STAB2: variants seen among roughly 807,000 people sequenced by gnomAD.
STAB2 encodes stabilin 2.
A neutral mutation model predicts 338.1 loss-of-function variants in STAB2; 288 were observed. The ratio of observed to expected loss-of-function variants is 0.85; its 90% CI spans 0.77 to 0.94. The LOEUF (loss-of-function observed/expected upper bound fraction) is 0.94, where lower values mean the gene tolerates loss of function less well. Among genes scored for constraint, STAB2 ranks in the 40% least tolerant of loss-of-function variants. STAB2 has a pLI of 0.00. For missense variants in STAB2, 3,141 were observed against 3,210.1 expected, an observed-to-expected ratio of 0.98 and a Z score of 0.52; for synonymous variants, 1,202 against 1,193.3, an observed-to-expected ratio of 1.01 and a Z score of -0.15.
chr12:103,743,774 C>T (rs755444676), intron 56 of STAB2, among the ~76,000 whole-genome samples: 3 of 152,198 alleles, frequency 2.0e-5, no homozygotes, highest in Non-Finnish European at 2.9e-5. Context: ...TGCAAAGGCC[C>T]TGGGACAGAA....
intron 4 of STAB2, among the ~76,000 whole-genome samples, chr12:103,621,102 C>T (rs1439971866): frequency 3.3e-5 from 5 of 150,730 alleles, no homozygotes; most frequent in African/African-American, 1.2e-4. Flanking sequence ...TGTCCACCCC[C>T]ACCCAAAAAA....
chr12:103,607,757 G>A (rs1242695117), intron 3 of STAB2, among the ~76,000 whole-genome samples: 1 of 152,106 alleles, frequency 6.6e-6, no homozygotes, highest in Admixed American at 6.5e-5. Context: ...TGGTATATAT[G>A]TGCCACATTT....
chr12:103,618,982 C>T (rs1957255076), intron 3 of STAB2, among the ~76,000 whole-genome samples: 1 of 152,130 alleles, frequency 6.6e-6, no homozygotes, highest in Admixed American at 6.5e-5. Context: ...GAGGAATTCC[C>T]CTGCACATGC....
chr12:103,638,663 A>C (rs2138689222), intron 8 of STAB2, among the ~76,000 whole-genome samples: 1 of 152,324 alleles, frequency 6.6e-6, no homozygotes. Context: ...GATTATAGGG[A>C]GCAGTGGGAA....
At chr12:103,616,688 G>T (rs1238999104) in intron 3 of STAB2, among the ~76,000 whole-genome samples, 1 of 152,230 alleles carries the variant, frequency 6.6e-6, no homozygotes. Context: ...CATTTCTGGG[G>T]AGAGGTACAG....
chr12:103,663,121 A>T (rs556018100), intron 18 of STAB2, 123 bp downstream of exon 18: 1 of 1,240,640 alleles, frequency 8.1e-7, no homozygotes, highest in East Asian at 2.4e-5. Flanking sequence ...TTGTCCCCAA[A>T]GGGCTTCCGT....
intron 58 of STAB2, among the ~76,000 whole-genome samples, chr12:103,747,399 C>A (rs1194723511): frequency 6.6e-6 from 1 of 152,154 alleles, no homozygotes; most frequent in Admixed American, 6.5e-5. Context: ...TCTGAAAGCT[C>A]ATTTTGGGGG....
Position 103,617,422 on chromosome 12 carries a change from A to T in STAB2, c.332-3046A>T, listed in dbSNP as rs979588795. Among the ~76,000 whole-genome samples, 3 of 152,352 alleles carry T rather than the reference A, an allele frequency of 2.0e-5. No homozygotes were observed. In the East Asian group the frequency reaches 5.8e-4, roughly 29 times the overall value. On this transcript the variant is annotated intron_variant, in intron 3 of 68. Coordinates refer to ENST00000388887, the MANE Select transcript of STAB2 (RefSeq NM_017564.10). ...TCCACTCTGAATAATAGCAACTATC[A>T]TTCGTTAAGCACCTAATATTTCCAA... is the stretch of plus-strand genomic sequence containing the variant.
At chr12:103,733,555 T>G (rs1019873437) in intron 51 of STAB2, among the ~76,000 whole-genome samples, 2 of 152,160 alleles carry the variant, frequency 1.3e-5, no homozygotes, top group East Asian at 3.9e-4. Flanking sequence ...ATTCCAAAAT[T>G]TCTAGGCAAA....
chr12:103,733,916 AAACATCATAAAGG>A (rs1881859638), intron 51 of STAB2, among the ~76,000 whole-genome samples: 1 of 151,458 alleles, frequency 6.6e-6, no homozygotes, highest in African/African-American at 2.4e-5. Context: ...ACATAGGAGC[AAACATCATAAAGG>A]AGCAAGCATG....
chr12:103,762,733 C>G (rs1328713487), intron 67 of STAB2, among the ~76,000 whole-genome samples: 1 of 152,222 alleles, frequency 6.6e-6, no homozygotes, highest in Non-Finnish European at 1.5e-5. Flanking sequence ...GGAGGATTCA[C>G]TGCACAAGCA....
In STAB2 at chr12:103,704,744, GTTATA is replaced by G. The variant is rs1341886534; in HGVS notation, c.3900+137_3900+141del. On this transcript the variant is annotated intron_variant, in intron 36 of 68. Coordinates refer to ENST00000388887, the MANE Select transcript of STAB2 (RefSeq NM_017564.10). The stretch of plus-strand genomic sequence containing the variant: ...CTTAATTTGAATTACACTTTACCTC[GTTATA>G]TTATATGCATCTTTGTAAAATCTTA... 61 of 793,324 alleles carry G rather than the reference GTTATA, an allele frequency of 7.7e-5. 1 individual carries two copies. In the South Asian group the frequency reaches 1.1e-3, roughly 14 times the overall value. 49.1% of individuals were successfully genotyped at this position (793,324 alleles called of 1,614,324 possible).
chr12:103,672,639 T>C (rs1040917371), intron 22 of STAB2, among the ~76,000 whole-genome samples: 8 of 152,156 alleles, frequency 5.3e-5, no homozygotes, highest in Admixed American at 2.0e-4. Context: ...AAACTCCAGA[T>C]TCCTTTATTT....
Position 103,620,454 on chromosome 12 carries a change from G to T in STAB2, c.332-14G>T. 1 of 1,570,038 alleles carries T rather than the reference G, an allele frequency of 6.4e-7. No individual in the cohort carries two copies. On this transcript the variant is annotated splice_polypyrimidine_tract_variant and intron_variant, in intron 3 of 68. Transcript: ENST00000388887. Reference sequence around the variant, plus strand: ...AGTCACGAATGAATACATCTGAGCTGTTTGATTCCCTAGAGTGCCCAGGTG... The same window carrying T: ...AGTCACGAATGAATACATCTGAGCTTTTTGATTCCCTAGAGTGCCCAGGTG...
Position 103,727,348 on chromosome 12 carries a change from C to T in STAB2, c.4933C>T (p.Arg1645Trp), listed in dbSNP as rs781561788. The T allele has an allele frequency of 2.1e-5, 34 of 1,614,178 alleles. No homozygotes were observed. The East Asian group carries it at 2.2e-4, about 11-fold the overall frequency. The change falls in exon 47 of 69, where the codon CGG becomes TGG. Residue 1645 changes from arginine (R) to tryptophan (W), a missense_variant and splice_region_variant. Transcript: ENST00000388887. ...PLSAAFDEEA[R>W]VKDWDKYGLM... The stretch of plus-strand genomic sequence containing the variant: ...ATCTGCAGCCTTTGATGAGGAAGCT[C>T]GGGTGAGCATGAGACTGTGGGCAGA...
chr12:103,693,068 T>G (rs1202836907), intron 31 of STAB2, among the ~76,000 whole-genome samples, 179 bp downstream of exon 31: 1 of 152,192 alleles, frequency 6.6e-6, no homozygotes, highest in African/African-American at 2.4e-5. Context: ...TCAATGAGAC[T>G]CAGTTTCCAT....
chr12:103,678,158 G>A (rs903007631), intron 25 of STAB2, among the ~76,000 whole-genome samples: 1 of 152,184 alleles, frequency 6.6e-6, no homozygotes, highest in Non-Finnish European at 1.5e-5. Context: ...ACAAGGCTAA[G>A]GAGGTCAGAA....
chr12:103,720,241 G>T (rs1880656317), intron 44 of STAB2, among the ~76,000 whole-genome samples: 2 of 152,172 alleles, frequency 1.3e-5, no homozygotes, highest in South Asian at 4.1e-4. Context: ...TGGCCACCTT[G>T]TCTTGGACAA....
intron 9 of STAB2, among the ~76,000 whole-genome samples, chr12:103,645,389 A>T (rs1470128109): frequency 6.6e-6 from 1 of 152,216 alleles, no homozygotes; most frequent in Non-Finnish European, 1.5e-5. Context: ...TAAAAATATG[A>T]TTCTCCTGCA....
Sources: gnomAD v4.1 joint callset for allele counts (sites outside exome capture counted in the v4.1 genomes callset) on GRCh38, gnomAD v4.1.1 for gene constraint, MANE v1.5 for transcripts, NCBI Gene and HGNC (gene_info 2026-07-23, HGNC 2026-07-21) for gene names.